Variants in PON2 observed in about 807,000 individuals in gnomAD.
PON2 encodes serum paraoxonase/arylesterase 2.
A neutral mutation model predicts 36.6 loss-of-function variants in PON2; 27 were observed. The observed-to-expected ratio is 0.74, with a 90% CI of 0.54 to 1.02. The LOEUF (loss-of-function observed/expected upper bound fraction) is 1.02, where lower values mean the gene tolerates loss of function less well. Among genes scored for constraint, PON2 ranks in the 50% least tolerant of loss-of-function variants. The pLI is 0.00. For synonymous variants in PON2, 149 were observed against 156.3 expected, an observed-to-expected ratio of 0.95 and a Z score of 0.35; for missense variants, 363 against 421.1, an observed-to-expected ratio of 0.86 and a Z score of 1.21.
intron 3 of PON2, chr7:95,412,770 T>C: frequency 2.3e-6 from 1 of 428,808 alleles, no homozygotes; most frequent in Non-Finnish European, 4.3e-6. Context: ...AAAAGTGACA[T>C]CTACATACTG....
chr7:95,412,007 G>T (rs1207337813), intron 4 of PON2, among the ~76,000 whole-genome samples: 1 of 152,168 alleles, frequency 6.6e-6, no homozygotes, highest in East Asian at 1.9e-4. Flanking sequence ...CAGAATTCAT[G>T]CATAATCTGT....
At chr7:95,430,100 A>C (rs1789402538) in intron 1 of PON2, among the ~76,000 whole-genome samples, 1 of 152,320 alleles carries the variant, frequency 6.6e-6, no homozygotes, top group East Asian at 1.9e-4. Flanking sequence ...ATATCTATGA[A>C]GACTGGATGA....
Position 95,411,726 on chromosome 7 carries a change from C to G in PON2, c.421G>C (p.Glu141Gln). ...VNHPEFKNTV[E>Q]IFKFEEAENS... ...TCTGCTTCTTCAAATTTAAAAATTT[C>G]CACTGTATTCTTGAATTCTGGGTGG... is the stretch of plus-strand genomic sequence containing the variant. Residue 141 changes from glutamate (E) to glutamine (Q), a missense_variant, in exon 5 of 9, where the codon GAA becomes CAA. Coordinates refer to ENST00000222572, the MANE Select transcript of PON2 (RefSeq NM_000305.3). 6.2e-7 allele frequency: 1 copy of G among 1,613,516 alleles called. No individual in the cohort carries two copies. Among genetic ancestry groups the G allele is most frequent in the South Asian group, 1.1e-5 (1 of 91,050 alleles).
Position 95,405,227 on chromosome 7 carries a change from C to A in PON2, c.*103G>T. The stretch of plus-strand genomic sequence containing the variant: ...ACTGGAATAAAATTAACTACACATG[C>A]CATACATTTCTGGGTCAATGTTGCT... On this transcript the variant is annotated 3_prime_UTR_variant, in exon 9 of 9. Transcript: ENST00000222572. 8.1e-7 allele frequency: 1 copy of A among 1,235,386 alleles called. No individual in the cohort carries two copies. Among genetic ancestry groups the A allele is most frequent in the South Asian group, 1.3e-5 (1 of 77,864 alleles). 76.5% of individuals were successfully genotyped at this position (1,235,386 alleles called of 1,614,324 possible).
intron 4 of PON2, 24 bp downstream of exon 4, chr7:95,412,288 T>C: frequency 6.2e-7 from 1 of 1,613,350 alleles, no homozygotes; most frequent in Non-Finnish European, 8.5e-7. Context: ...CGTTACTAAA[T>C]GTTGGTAGCC....
chr7:95,407,085 C>G lies in PON2; in HGVS notation c.696-17G>C, dbSNP rs554272396. 5 of 1,512,922 alleles carry G rather than the reference C, an allele frequency of 3.3e-6. No individual in the cohort carries two copies. The African/African-American group carries it at 6.9e-5, about 21-fold the overall frequency. The allele number at this position is 1,512,922 out of a possible 1,614,324, so 93.7% of individuals were successfully genotyped here. A position where few individuals can be genotyped will look rare whatever the true frequency, so the allele number is the denominator to read the frequency against. On this transcript the variant is annotated splice_polypyrimidine_tract_variant and intron_variant, in intron 6 of 8. Coordinates refer to ENST00000222572, the MANE Select transcript of PON2 (RefSeq NM_000305.3). ...TAGATATACCTTTGCAGAAAGGACA[C>G]AGTGGTTAGAGCTCCATGCCAATAT...
chr7:95,430,309 A>ATTTTTTTTTTTTTTTTTTTT (rs1325194765), intron 1 of PON2, among the ~76,000 whole-genome samples: 1 of 150,276 alleles, frequency 6.7e-6, no homozygotes, highest in Non-Finnish European at 1.5e-5. Context: ...CTACAAAAAA[A>ATTTTTTTTTTTTTTTTTTTT]TTTTTTTGTT....
intron 3 of PON2, among the ~76,000 whole-genome samples, chr7:95,414,211 C>T (rs6973380): frequency 0.24 from 36,707 of 151,958 alleles, 4,840 homozygotes; most frequent in South Asian, 0.35. Flanking sequence ...AGGTGACCCT[C>T]AACCCATAAC....
intron 1 of PON2, 57 bp downstream of exon 1, chr7:95,434,821 C>T (rs563482522): frequency 8.1e-4 from 1,235 of 1,515,962 alleles, no homozygotes; most frequent in Admixed American, 1.9e-3. Context: ...CCCCGCACCA[C>T]GCGGCCACCC....
At chr7:95,417,047 T>C (rs550206051) in intron 2 of PON2, among the ~76,000 whole-genome samples, 21 of 152,288 alleles carry the variant, frequency 1.4e-4, no homozygotes, top group African/African-American at 4.8e-4. Flanking sequence ...TACAGACAGA[T>C]AATAGACCCA....
At chr7:95,434,429 G>A (rs1789514414) in intron 1 of PON2, 3 of 169,552 alleles carry the variant, frequency 1.8e-5, no homozygotes, top group Non-Finnish European at 3.7e-5. Context: ...GAAATGGGTG[G>A]AGAACAACTT....
intron 3 of PON2, chr7:95,415,793 A>G (rs1585752581): frequency 5.3e-6 from 1 of 190,272 alleles, no homozygotes; most frequent in East Asian, 1.4e-4. Context: ...CTCTACTAAA[A>G]ATACAAAAAT....
In PON2 at chr7:95,423,189, G is replaced by A. The variant is rs141169796; in HGVS notation, c.145+1326C>T. 9.2e-5 allele frequency among the ~76,000 whole-genome samples: 14 copies of A among 151,902 alleles called. No individual in the cohort carries two copies. In the East Asian group the frequency reaches 2.3e-3, roughly 25 times the overall value. ...AATAAAAAACTAGCCATGAGTGGGG[G>A]CATGTGCCTGTAGTCTCAGCTACCT... On this transcript the variant is annotated intron_variant, in intron 2 of 8. Transcript: ENST00000222572.
chr7:95,407,574 A>G (rs1476586798), intron 6 of PON2, among the ~76,000 whole-genome samples: 2 of 152,190 alleles, frequency 1.3e-5, no homozygotes, highest in Admixed American at 1.3e-4. Flanking sequence ...TTCAAAGGTG[A>G]GTGAATTAAC....
chr7:95,416,268 G>A lies in PON2; in HGVS notation c.175C>T (p.Pro59Ser), dbSNP rs745783322. 9 of 1,613,430 alleles carry A rather than the reference G, an allele frequency of 5.6e-6. No individual in the cohort carries two copies. In the South Asian group the frequency reaches 9.9e-5, roughly 18 times the overall value. ...ACACTAAAAAAAGCCAGACCATTGG[G>A]AAGTATGTCAATATCTTCAGAGCCA... is the stretch of plus-strand genomic sequence containing the variant. The part of the protein sequence containing the change: ...EAGSEDIDIL[P>S]NGLAFFSVGL... Residue 59 changes from proline (P) to serine (S), a missense_variant, in exon 3 of 9, where the codon CCC (proline) becomes TCC (serine). Coordinates refer to ENST00000222572, the MANE Select transcript of PON2 (RefSeq NM_000305.3).
rs9641164 is a variant in PON2 at position 95,405,509 on chromosome 7, A to T, written c.907-21T>A. On this transcript the variant is annotated intron_variant, in intron 8 of 8. Coordinates refer to ENST00000222572, the MANE Select transcript of PON2 (RefSeq NM_000305.3). ...AGAACCTATTCAGGGGATACAAAGTATGAATATAAGACCACCGTACATGCA... is the reference window on the plus strand; with the variant it reads ...AGAACCTATTCAGGGGATACAAAGTTTGAATATAAGACCACCGTACATGCA... The T allele has an allele frequency of 0.21, 336,116 of 1,605,186 alleles. 43,090 individuals are homozygous for T. The highest frequency in any genetic ancestry group is 0.66 in the East Asian group (29,686 of 44,764).
chr7:95,424,560 C>T lies in PON2; in HGVS notation c.100G>A (p.Val34Ile), dbSNP rs143387924. ...CAGTGTGGAAGGTCTACAGATTCTA[C>T]TTCTCTGGAGGCTTTAAGTCGATTT... ...LRNRLKASRE[V>I]ESVDLPHCHL... The change falls in exon 2 of 9, where the codon GTA becomes ATA. Residue 34 changes from valine to isoleucine, a missense_variant. Val to Ile is a conservative substitution (Grantham distance 29, BLOSUM62 3). Transcript: ENST00000222572. 72 of 1,613,042 alleles carry T rather than the reference C, an allele frequency of 4.5e-5. 1 individual carries two copies. In the African/African-American group the frequency reaches 9.1e-4, roughly 20 times the overall value.
chr7:95,431,912 CTA>C (rs900423783), intron 1 of PON2, among the ~76,000 whole-genome samples: 1 of 87,582 alleles, frequency 1.1e-5, no homozygotes, highest in African/African-American at 4.7e-5. Flanking sequence ...CATGCTTATA[CTA>C]AAAAAAAAAA....
At chr7:95,427,843 T>C (rs888607392) in intron 1 of PON2, among the ~76,000 whole-genome samples, 2 of 152,248 alleles carry the variant, frequency 1.3e-5, no homozygotes, top group African/African-American at 4.8e-5. Context: ...TCTCTTAATA[T>C]AGAGAAAGCT....
Sources: allele counts gnomAD v4.1 joint callset (sites outside exome capture counted in the v4.1 genomes callset), GRCh38; gene constraint gnomAD v4.1.1; transcripts MANE v1.5; gene names NCBI Gene and HGNC (gene_info 2026-07-23, HGNC 2026-07-21).